SPECC1L: variants seen among roughly 807,000 people sequenced by gnomAD.
The protein encoded by SPECC1L is sperm antigen with calponin homology and coiled-coil domains 1 like.
A neutral mutation model predicts 116.8 loss-of-function variants in SPECC1L; 40 were observed. The observed-to-expected ratio is 0.34, with a 90% CI of 0.27 to 0.45. The LOEUF is 0.45. SPECC1L is among the 20% of genes least tolerant of loss of function. The probability of loss-of-function intolerance (pLI) is 1.00; values close to 1 mark genes in which losing one functional copy is unlikely to be tolerated. For missense variants in SPECC1L, 1,110 were observed against 1,373.6 expected, an observed-to-expected ratio of 0.81 and a Z score of 3.03; for synonymous variants, 504 against 500.6, an observed-to-expected ratio of 1.01 and a Z score of -0.09.
intron 2 of SPECC1L, among the ~76,000 whole-genome samples, chr22:24,290,254 G>T (rs1190511728): frequency 6.6e-6 from 1 of 152,218 alleles, no homozygotes; most frequent in African/African-American, 2.4e-5. Context: ...CCGTGGCCAT[G>T]AGGCTGTTTA....
intron 14 of SPECC1L, among the ~76,000 whole-genome samples, chr22:24,393,133 GCAT>G (rs2042303085): frequency 6.6e-6 from 1 of 152,242 alleles, no homozygotes; most frequent in African/African-American, 2.4e-5. Context: ...TTTTGATGGG[GCAT>G]AGGAGGCTTC....
intron 14 of SPECC1L, among the ~76,000 whole-genome samples, chr22:24,406,627 A>G (rs893489158): frequency 1.3e-5 from 2 of 152,156 alleles, no homozygotes; most frequent in African/African-American, 4.8e-5. Context: ...GGTGCTGGTC[A>G]CACCTGCAGA....
chr22:24,294,538 C>T (rs1173212290), intron 2 of SPECC1L, among the ~76,000 whole-genome samples: 5 of 151,568 alleles, frequency 3.3e-5, no homozygotes, highest in South Asian at 2.1e-4. Context: ...CGCACCACCA[C>T]ACCCAGCTAA....
chr22:24,288,748 C>T (rs1158437383), intron 2 of SPECC1L, among the ~76,000 whole-genome samples: 1 of 147,412 alleles, frequency 6.8e-6, no homozygotes, highest in Non-Finnish European at 1.5e-5. Flanking sequence ...GCCTCAGCTT[C>T]CTCAGTAGCT....
intron 14 of SPECC1L, among the ~76,000 whole-genome samples, chr22:24,378,037 G>A (rs1024967693): frequency 9.9e-5 from 15 of 152,198 alleles, no homozygotes; most frequent in African/African-American, 3.6e-4. Context: ...AGTCCTAGAT[G>A]TCATCTTCTT....
At chr22:24,316,325 G>T (rs1224599123) in intron 4 of SPECC1L, among the ~76,000 whole-genome samples, 4 of 149,288 alleles carry the variant, frequency 2.7e-5, no homozygotes. Flanking sequence ...GTTTCTCGCA[G>T]AGGGGGATTT....
At chr22:24,288,374 G>A (rs911838092) in intron 2 of SPECC1L, among the ~76,000 whole-genome samples, 2 of 152,018 alleles carry the variant, frequency 1.3e-5, no homozygotes, top group African/African-American at 4.8e-5. Context: ...CGAAAAATGT[G>A]TACAGGAAGT....
At chr22:24,403,376 A>G (rs2042518492) in intron 14 of SPECC1L, among the ~76,000 whole-genome samples, 1 of 152,136 alleles carries the variant, frequency 6.6e-6, no homozygotes, top group South Asian at 2.1e-4. Flanking sequence ...TTAGTAAGTA[A>G]TATGTTTTCT....
chr22:24,386,109 T>TA (rs954765115), intron 14 of SPECC1L, among the ~76,000 whole-genome samples: 4 of 143,128 alleles, frequency 2.8e-5, no homozygotes, highest in African/African-American at 5.0e-5. Context: ...CTCCTGTTTA[T>TA]TAGTTTCAAA....
intron 14 of SPECC1L, among the ~76,000 whole-genome samples, chr22:24,378,391 A>G (rs1282093073): frequency 2.0e-5 from 3 of 152,260 alleles, no homozygotes; most frequent in South Asian, 2.1e-4. Flanking sequence ...CATATCAGCA[A>G]TAAGGCTGTT....
Position 24,414,848 on chromosome 22 carries a change from G to A in SPECC1L, c.*225G>A, listed in dbSNP as rs2042772811. 3.5e-6 allele frequency: 2 copies of A among 571,896 alleles called. No homozygotes were observed. The highest frequency in any genetic ancestry group is 2.9e-5 in the Admixed American group (1 of 34,062). The allele number at this position is 571,896 out of a possible 1,614,324, so 35.4% of individuals were successfully genotyped here. On this transcript the variant is annotated 3_prime_UTR_variant, in exon 17 of 17. Coordinates refer to ENST00000314328, the MANE Select transcript of SPECC1L (RefSeq NM_015330.6). ...ATGACCCGTCCATTCAGGTCATGTG[G>A]GCTCAGCACACATCCTGCAGGCCGG...
chr22:24,285,342 C>T (rs1249497332), intron 2 of SPECC1L, among the ~76,000 whole-genome samples: 1 of 152,170 alleles, frequency 6.6e-6, no homozygotes, highest in East Asian at 1.9e-4. Context: ...TTCCACACAT[C>T]GTTTGATGTG....
Position 24,415,809 on chromosome 22 carries a change from TG to T in SPECC1L, c.*1189del, listed in dbSNP as rs1243106010. 6.6e-6 allele frequency: 1 copy of T among 152,148 alleles called. No homozygotes were observed. The highest frequency in any genetic ancestry group is 1.5e-5 in the Non-Finnish European group (1 of 68,042). The allele number at this position is 152,148 out of a possible 1,614,324, so 9.4% of individuals were successfully genotyped here. ...CCCTGTGCCCACCCTCCCCAGGTGCTGGGTCCATGCTGTTTGAACCAAAGCC... is the reference window on the plus strand; with the variant it reads ...CCCTGTGCCCACCCTCCCCAGGTGCTGGTCCATGCTGTTTGAACCAAAGCC... On this transcript the variant is annotated 3_prime_UTR_variant, in exon 17 of 17. Transcript: ENST00000314328.
chr22:24,314,538 G>C (rs983546363), intron 4 of SPECC1L, among the ~76,000 whole-genome samples: 1 of 151,936 alleles, frequency 6.6e-6, no homozygotes, highest in African/African-American at 2.4e-5. Flanking sequence ...TATATAATTG[G>C]CTGATGTGTC....
At chr22:24,383,667 A>T (rs1208487252) in intron 14 of SPECC1L, among the ~76,000 whole-genome samples, 3 of 151,956 alleles carry the variant, frequency 2.0e-5, no homozygotes, top group African/African-American at 7.3e-5. Context: ...TTTGAGACAG[A>T]GTTTCATTCT....
chr22:24,334,823 A>G (rs1219663521), intron 9 of SPECC1L, among the ~76,000 whole-genome samples: 1 of 152,178 alleles, frequency 6.6e-6, no homozygotes, highest in Non-Finnish European at 1.5e-5. Flanking sequence ...CCCTCGGTGG[A>G]TCACACACAT....
intron 3 of SPECC1L, among the ~76,000 whole-genome samples, chr22:24,302,851 C>A (rs148637120): frequency 1.3e-5 from 2 of 152,180 alleles, no homozygotes; most frequent in Non-Finnish European, 2.9e-5. Flanking sequence ...AGTCCTGTGA[C>A]CCCTAGACAG....
At chr22:24,385,169 T>C (rs1377467509) in intron 14 of SPECC1L, among the ~76,000 whole-genome samples, 2 of 151,954 alleles carry the variant, frequency 1.3e-5, no homozygotes, top group Non-Finnish European at 1.5e-5. Flanking sequence ...TGATAAAATA[T>C]ATATTTTTTG....
At chr22:24,311,300 C>G (rs1028326465) in intron 3 of SPECC1L, among the ~76,000 whole-genome samples, 1 of 151,916 alleles carries the variant, frequency 6.6e-6, no homozygotes, top group Admixed American at 6.6e-5. Context: ...ATTTAACTTA[C>G]GGAGGAAGAA....
Sources: allele counts gnomAD v4.1 joint callset (sites outside exome capture counted in the v4.1 genomes callset), GRCh38; gene constraint gnomAD v4.1.1; transcripts MANE v1.5; gene names NCBI Gene and HGNC (gene_info 2026-07-23, HGNC 2026-07-21).